Variants in TEF observed in about 807,000 individuals in gnomAD.
TEF encodes thyrotroph embryonic factor.
A neutral mutation model predicts 20.8 loss-of-function variants in TEF; 3 were observed. The ratio of observed to expected loss-of-function variants is 0.14; its 90% CI spans 0.07 to 0.37. The LOEUF (loss-of-function observed/expected upper bound fraction) is 0.37, where lower values mean the gene tolerates loss of function less well. Ranked by LOEUF, TEF falls within the 10% of genes least tolerant of loss-of-function variation. The pLI, the probability that TEF is intolerant of heterozygous loss-of-function variation, is 1.00. For synonymous variants in TEF, 180 were observed against 171.1 expected (o/e 1.05, Z -0.41); for missense variants, 296 against 397.9 (o/e 0.74, Z 2.18).
At chr22:41,368,973 G>C in intron 1 of TEF, 1 of 791,724 alleles carries the variant, frequency 1.3e-6, no homozygotes. Context: ...CTGTGTGGGT[G>C]GGCAGAGCTG....
chr22:41,390,863 C>T (rs2037156786), intron 2 of TEF, among the ~76,000 whole-genome samples: 1 of 152,110 alleles, frequency 6.6e-6, no homozygotes, highest in South Asian at 2.1e-4. Context: ...AAAATCTTGT[C>T]CCCAGGCCTC....
At chr22:41,382,829 T>A (rs2037051913) in intron 1 of TEF, 1 of 462,544 alleles carries the variant, frequency 2.2e-6, no homozygotes, top group South Asian at 1.6e-5. Flanking sequence ...GAGGGGAGTT[T>A]TGGGCCAAGC....
At chr22:41,372,720 C>A (rs1017981939) in intron 1 of TEF, among the ~76,000 whole-genome samples, 8 of 152,060 alleles carry the variant, frequency 5.3e-5, no homozygotes, top group Non-Finnish European at 1.2e-4. Flanking sequence ...TCTTGCTCCC[C>A]TGGTGTTTGG....
chr22:41,382,268 G>A, intron 1 of TEF, 67 bp downstream of exon 1: 1 of 1,111,490 alleles, frequency 9.0e-7, no homozygotes. Flanking sequence ...GCCTCGTGAG[G>A]GCGGGGCCGG....
chr22:41,385,285 G>A (rs1475340791), intron 1 of TEF, among the ~76,000 whole-genome samples: 2 of 152,096 alleles, frequency 1.3e-5, no homozygotes, highest in African/African-American at 2.4e-5. Flanking sequence ...GCTTGAACAC[G>A]GGAGGCGAAG....
intron 1 of TEF, 34 bp from the exon 2 acceptor site, chr22:41,387,317 G>C: frequency 6.2e-7 from 1 of 1,611,176 alleles, no homozygotes; most frequent in Middle Eastern, 1.7e-4. Flanking sequence ...TTACTCTCCT[G>C]TGTGGTATTT....
intron 1 of TEF, among the ~76,000 whole-genome samples, chr22:41,385,932 G>A (rs1016028318): frequency 6.7e-5 from 10 of 148,924 alleles, no homozygotes; most frequent in Non-Finnish European, 1.0e-4. Context: ...TGATCCACCC[G>A]CCTCAGCCTC....
chr22:41,381,132 G>C (rs916424656), upstream of TEF, among the ~76,000 whole-genome samples: 1 of 152,242 alleles, frequency 6.6e-6, no homozygotes, highest in Non-Finnish European at 1.5e-5. Flanking sequence ...CCCCGCTCTA[G>C]GGCGGCCAAG....
upstream of TEF, among the ~76,000 whole-genome samples, chr22:41,381,517 G>A (rs1353438934): frequency 6.6e-6 from 1 of 152,212 alleles, no homozygotes; most frequent in Non-Finnish European, 1.5e-5. Flanking sequence ...GCCGCTCCGA[G>A]CTCCGCCCCT....
intron 1 of TEF, among the ~76,000 whole-genome samples, chr22:41,372,613 T>A (rs918073343): frequency 6.6e-6 from 1 of 152,144 alleles, no homozygotes; most frequent in Admixed American, 6.6e-5. Context: ...GGGTACCATG[T>A]CTCGGGTCGT....
At position 41,376,629 on chromosome 22, in the gene TEF, C is replaced by A. The variant is rs541712622; in HGVS notation, c.67+9030C>A. 3.3e-5 allele frequency among the ~76,000 whole-genome samples: 5 copies of A among 152,332 alleles called. No individual in the cohort carries two copies. The East Asian group carries it at 9.6e-4, about 29-fold the overall frequency. ...GCTTTGGAAAATGGACATTTCACATCCAATCTTGTCTGTAGCTTAGACTCT... is the reference window on the plus strand; with the variant it reads ...GCTTTGGAAAATGGACATTTCACATACAATCTTGTCTGTAGCTTAGACTCT... On this transcript the variant is annotated intron_variant, in intron 1 of 3. Coordinates refer to the TEF transcript ENST00000406644.
intron 1 of TEF, among the ~76,000 whole-genome samples, chr22:41,387,116 T>G (rs1316283369): frequency 6.6e-6 from 1 of 152,136 alleles, no homozygotes; most frequent in Non-Finnish European, 1.5e-5. Context: ...GAGTATGTGG[T>G]AAGCCTTCTG....
intron 1 of TEF, among the ~76,000 whole-genome samples, chr22:41,372,667 T>C (rs2036896557): frequency 6.6e-6 from 1 of 152,082 alleles, no homozygotes; most frequent in Admixed American, 6.5e-5. Flanking sequence ...TCCAGAGCGT[T>C]TGCTATGCTT....
intron 2 of TEF, among the ~76,000 whole-genome samples, chr22:41,391,986 C>G (rs1030551415): frequency 1.6e-4 from 24 of 152,196 alleles, no homozygotes; most frequent in Non-Finnish European, 2.6e-4. Flanking sequence ...ACTAGAATAA[C>G]ATTTCATGCA....
chr22:41,398,147 G>T lies in TEF; in HGVS notation c.*2187G>T, dbSNP rs1358949698. 6.6e-6 allele frequency: 1 copy of T among 152,196 alleles called. No homozygotes were observed. Among genetic ancestry groups the T allele is most frequent in the Non-Finnish European group, 1.5e-5 (1 of 68,038 alleles). The allele number at this position is 152,196 out of a possible 1,614,324, so 9.4% of individuals were successfully genotyped here. A position where few individuals can be genotyped will look rare whatever the true frequency, so the allele number is the denominator to read the frequency against. ...CCCCTCTGAGTCAGGAGCCTGGTGG[G>T]GACAAGATGGAGGATGTCCACAGAG... is the stretch of plus-strand genomic sequence containing the variant. On this transcript the variant is annotated 3_prime_UTR_variant, in exon 4 of 4. Coordinates refer to ENST00000266304, the MANE Select transcript of TEF (RefSeq NM_003216.4).
intron 1 of TEF, among the ~76,000 whole-genome samples, chr22:41,374,120 T>C (rs895650949): frequency 6.6e-6 from 1 of 151,866 alleles, no homozygotes; most frequent in Non-Finnish European, 1.5e-5. Context: ...ATTAAGAAAA[T>C]CATGGCCGGG....
In TEF at chr22:41,396,929, G is replaced by A. The variant is rs902239625; in HGVS notation, c.*969G>A. ...GTGGTGTTTAGAAAATGCCTCCACAGCCCCCTTCCACCATGGGCATGAGAG... is the reference window on the plus strand; with the variant it reads ...GTGGTGTTTAGAAAATGCCTCCACAACCCCCTTCCACCATGGGCATGAGAG... On this transcript the variant is annotated 3_prime_UTR_variant, in exon 4 of 4. Coordinates refer to ENST00000266304, the MANE Select transcript of TEF (RefSeq NM_003216.4). 79 of 398,500 alleles carry A rather than the reference G, an allele frequency of 2.0e-4. 1 individual carries two copies. The highest frequency in any genetic ancestry group is 6.6e-5 in the Non-Finnish European group (15 of 226,126). The allele number at this position is 398,500 out of a possible 1,614,324, so 24.7% of individuals were successfully genotyped here. A position where few individuals can be genotyped will look rare whatever the true frequency, so the allele number is the denominator to read the frequency against.
chr22:41,385,031 G>T (rs928375634), intron 1 of TEF, among the ~76,000 whole-genome samples: 1 of 152,138 alleles, frequency 6.6e-6, no homozygotes, highest in Non-Finnish European at 1.5e-5. Context: ...CTAGGATACA[G>T]GCGTGATCCC....
intron 1 of TEF, 107 bp from the exon 2 acceptor site, chr22:41,387,244 A>G: frequency 8.1e-7 from 1 of 1,228,182 alleles, no homozygotes; most frequent in Non-Finnish European, 1.2e-6. Context: ...ATGGGTTGGA[A>G]TCGGGGCTCT....
Sources: allele counts gnomAD v4.1 joint callset (sites outside exome capture counted in the v4.1 genomes callset), GRCh38; gene constraint gnomAD v4.1.1; transcripts MANE v1.5; gene names NCBI Gene and HGNC (gene_info 2026-07-23, HGNC 2026-07-21).